PEDS1: variants seen among roughly 807,000 people sequenced by gnomAD.
PEDS1 encodes the protein plasmanylethanolamine desaturase 1.
PEDS1 carries 14 observed loss-of-function variants against 35.2 expected under a neutral mutation model. That is an observed-to-expected ratio of 0.40 (90% CI 0.26 to 0.62). The LOEUF (loss-of-function observed/expected upper bound fraction) is 0.62. Ranked by LOEUF, PEDS1 falls within the 20% of genes least tolerant of loss-of-function variation. The pLI, the probability that PEDS1 is intolerant of heterozygous loss-of-function variation, is 0.44. For missense variants in PEDS1, 260 were observed against 367.8 expected (o/e 0.71, Z 2.40); for synonymous variants, 152 against 152.0 (o/e 1.00, Z 0.00).
intron 2 of PEDS1, among the ~76,000 whole-genome samples, chr20:50,140,999 G>A (rs927715980): frequency 6.6e-6 from 1 of 152,190 alleles, no homozygotes; most frequent in Non-Finnish European, 1.5e-5. Flanking sequence ...TTCCTGGGCT[G>A]TGGCTGGAAG....
intron 1 of PEDS1, among the ~76,000 whole-genome samples, chr20:50,152,271 A>C (rs1275267340): frequency 6.6e-6 from 1 of 152,240 alleles, no homozygotes; most frequent in Non-Finnish European, 1.5e-5. Flanking sequence ...AAGAGACGGC[A>C]TGGAACCCAG....
chr20:50,146,272 A>G (rs745692277), intron 1 of PEDS1, among the ~76,000 whole-genome samples: 26 of 152,202 alleles, frequency 1.7e-4, no homozygotes, highest in South Asian at 6.2e-4. Flanking sequence ...CATCTCCAGG[A>G]AGCCATCCAT....
rs773172185 is a variant in PEDS1 at position 50,153,468 on chromosome 20, C to CA, written c.121+48dup. ...GACTCCAGTCTGGGGTCGCTGTCCGCAGCCGGGGCTGGTGACCGCAGGCCT... is the reference window on the plus strand; with the variant it reads ...GACTCCAGTCTGGGGTCGCTGTCCGCAAGCCGGGGCTGGTGACCGCAGGCCT... On this transcript the variant is annotated intron_variant, in intron 1 of 5. Transcript: ENST00000371652. 6.2e-6 allele frequency: 8 copies of CA among 1,287,344 alleles called. No individual in the cohort carries two copies. The South Asian group carries it at 1.5e-4, about 24-fold the overall frequency. 79.7% of individuals were successfully genotyped at this position (1,287,344 alleles called of 1,614,324 possible). A position where few individuals can be genotyped will look rare whatever the true frequency, so the allele number is the denominator to read the frequency against.
chr20:50,122,667 T>C lies in PEDS1; in HGVS notation c.*2391A>G, dbSNP rs2081061114. 6.6e-6 allele frequency: 1 copy of C among 152,226 alleles called. No homozygotes were observed. Among genetic ancestry groups the C allele is most frequent in the Admixed American group, 6.5e-5 (1 of 15,286 alleles). The allele number at this position is 152,226 out of a possible 1,614,324, so 9.4% of individuals were successfully genotyped here. A position where few individuals can be genotyped will look rare whatever the true frequency, so the allele number is the denominator to read the frequency against. On this transcript the variant is annotated 3_prime_UTR_variant, in exon 6 of 6. Coordinates refer to ENST00000371652, the MANE Select transcript of PEDS1 (RefSeq NM_199129.4). ...CCTGTCCCCAACAGGCTTTCTTTTT[T>C]CTGGCTAATATTGCAGAAACTATCT... is the stretch of plus-strand genomic sequence containing the variant.
intron 2 of PEDS1, among the ~76,000 whole-genome samples, chr20:50,132,421 C>T (rs984736495): frequency 6.6e-6 from 1 of 152,162 alleles, no homozygotes; most frequent in African/African-American, 2.4e-5. Flanking sequence ...CCTACTTTAT[C>T]TCCTTTCCCT....
intron 1 of PEDS1, among the ~76,000 whole-genome samples, chr20:50,144,800 C>A (rs143890647): frequency 1.3e-5 from 2 of 151,922 alleles, no homozygotes; most frequent in African/African-American, 4.8e-5. Flanking sequence ...CAAATAGCAG[C>A]CATTTATGTT....
chr20:50,133,844 G>C (rs1001494330), intron 2 of PEDS1, among the ~76,000 whole-genome samples: 25 of 152,246 alleles, frequency 1.6e-4, no homozygotes, highest in African/African-American at 5.3e-4. Flanking sequence ...AAGAGGCCTG[G>C]AGAAGTTGAA....
At position 50,123,129 on chromosome 20, in the gene PEDS1, C is replaced by G. The variant is rs2147262777; in HGVS notation, c.*1929G>C. 1 of 152,328 alleles carries G rather than the reference C, an allele frequency of 6.6e-6. No homozygotes were observed. Among genetic ancestry groups the G allele is most frequent in the Admixed American group, 6.5e-5 (1 of 15,280 alleles). The allele number at this position is 152,328 out of a possible 1,614,324, so 9.4% of individuals were successfully genotyped here. On this transcript the variant is annotated 3_prime_UTR_variant, in exon 6 of 6. Coordinates refer to ENST00000371652, the MANE Select transcript of PEDS1 (RefSeq NM_199129.4). ...AAATACAAATAAATAAAATGACCAG[C>G]AGGTCCCCACTCACCTCAGCCTATG...
chr20:50,151,143 G>A, intron 1 of PEDS1: 1 of 833,978 alleles, frequency 1.2e-6, no homozygotes, highest in South Asian at 1.5e-5. Context: ...CACACAGTGA[G>A]CAGATAGAAG....
intron 5 of PEDS1, among the ~76,000 whole-genome samples, chr20:50,126,591 A>T (rs1396620590): frequency 6.6e-6 from 1 of 152,184 alleles, no homozygotes; most frequent in South Asian, 2.1e-4. Context: ...TATATGAAGG[A>T]GGCGGCTGCA....
At chr20:50,134,319 G>A (rs192949468) in intron 2 of PEDS1, among the ~76,000 whole-genome samples, 254 of 152,320 alleles carry the variant, frequency 1.7e-3, no homozygotes, top group African/African-American at 5.7e-3. Flanking sequence ...GCCAAGGTGG[G>A]CAGATCACCT....
chr20:50,126,276 G>C (rs60347028), intron 5 of PEDS1, among the ~76,000 whole-genome samples: 2,707 of 152,200 alleles, frequency 0.018, 73 homozygotes, highest in African/African-American at 0.056. Context: ...ACTAATATCA[G>C]TCCCATTTTC....
chr20:50,150,798 A>AG (rs1455255963), intron 1 of PEDS1, among the ~76,000 whole-genome samples: 3 of 151,858 alleles, frequency 2.0e-5, no homozygotes. Context: ...TGGGTTCAAG[A>AG]GATTATCCTG....
Position 50,130,944 on chromosome 20 carries a change from G to C in PEDS1, c.245C>G (p.Ala82Gly). 6.2e-7 allele frequency: 1 copy of C among 1,614,218 alleles called. No homozygotes were observed. The highest frequency in any genetic ancestry group is 1.1e-5 in the South Asian group (1 of 91,084). Residue 82 changes from alanine to glycine, a missense_variant, in exon 3 of 6, where the codon GCA becomes GGA. Ala to Gly is a moderately conservative substitution (Grantham distance 60). Coordinates refer to ENST00000371652, the MANE Select transcript of PEDS1 (RefSeq NM_199129.4). ...CAAGAAGTCAGCAATGAGAGCCCCT[G>C]CAACTGTGGACAAGAGGGTGAGTGA... ...DTPLVILGVV[A>G]GALIADFLSG...
chr20:50,143,250 C>CA lies in PEDS1; in HGVS notation c.241+251dup, dbSNP rs561175589. The stretch of plus-strand genomic sequence containing the variant: ...TCATGCAGTTTGAAAGTAGAGTTAA[C>CA]AGCATTTGCTGATGGTTTGGATGTG... On this transcript the variant is annotated intron_variant, in intron 2 of 5. Coordinates refer to ENST00000371652, the MANE Select transcript of PEDS1 (RefSeq NM_199129.4). Among the ~76,000 whole-genome samples, 6 of 152,236 alleles carry CA rather than the reference C, an allele frequency of 3.9e-5. No homozygotes were observed. The South Asian group carries it at 1.2e-3, about 32-fold the overall frequency.
rs1410353055 is a variant in PEDS1, at chr20:50,153,570, C to A, written c.68G>T (p.Arg23Leu). The change falls in exon 1 of 6, where the codon CGC becomes CTC. Residue 23 changes from arginine to leucine, a missense_variant. Physicochemically the swap from Arg to Leu is moderately radical, Grantham distance 102. Transcript: ENST00000371652. ...GGCCCCGGCGTGCTGCGCGCCCCAG[C>A]GGCAACAAGACGCCTCGTCCTCGTC... ...ELDEDEASCC[R>L]WGAQHAGARE... The A allele has an allele frequency of 3.5e-6, 5 of 1,434,450 alleles. No homozygotes were observed. Among genetic ancestry groups the A allele is most frequent in the South Asian group, 1.4e-5 (1 of 73,698 alleles). The allele number at this position is 1,434,450 out of a possible 1,614,324, so 88.9% of individuals were successfully genotyped here. A position where few individuals can be genotyped will look rare whatever the true frequency, so the allele number is the denominator to read the frequency against.
chr20:50,135,053 T>G (rs1383854282), intron 2 of PEDS1, among the ~76,000 whole-genome samples: 1 of 151,882 alleles, frequency 6.6e-6, no homozygotes, highest in Non-Finnish European at 1.5e-5. Flanking sequence ...GGTGTGGTGG[T>G]GCGGACCTGT....
intron 1 of PEDS1, among the ~76,000 whole-genome samples, chr20:50,145,515 C>T (rs1294625309): frequency 4.0e-5 from 6 of 151,820 alleles, no homozygotes; most frequent in African/African-American, 1.2e-4. Context: ...GCCAACGTGG[C>T]GAAACCCCAT....
rs2081382915 is a variant in PEDS1 at position 50,149,745 on chromosome 20, GTTCTGATGATCCGGAATACTCGCCC to G, written c.121+3747_121+3771del. On this transcript the variant is annotated intron_variant, in intron 1 of 5. Transcript: ENST00000371652. ...CTGCCACCTGCCCTGCACACATGCT[GTTCTGATGATCCGGAATACTCGCCC>G]CCACCTCCCACACACTCACCCCTGG... 2.6e-5 allele frequency among the ~76,000 whole-genome samples: 4 copies of G among 152,266 alleles called. No individual in the cohort carries two copies. In the South Asian group the frequency reaches 8.3e-4, roughly 32 times the overall value.
Sources: gnomAD v4.1 joint callset for allele counts (sites outside exome capture counted in the v4.1 genomes callset) on GRCh38, gnomAD v4.1.1 for gene constraint, MANE v1.5 for transcripts, NCBI Gene and HGNC (gene_info 2026-07-23, HGNC 2026-07-21) for gene names.